The following LINGO2 variants were observed in gnomAD, a reference collection of about 807,000 sequenced individuals.
LINGO2 encodes the protein leucine-rich repeat and immunoglobulin-like domain-containing nogo receptor-interacting protein 2.
LINGO2 carries 14 observed loss-of-function variants against 30.6 expected under a neutral mutation model. The ratio of observed to expected loss-of-function variants is 0.46; its 90% CI spans 0.30 to 0.72. The LOEUF is 0.72. Among genes scored for constraint, LINGO2 ranks in the 30% least tolerant of loss-of-function variants. LINGO2 has a pLI of 0.07. For synonymous variants in LINGO2, 317 were observed against 288.5 expected (o/e 1.10, Z -1.00); for missense variants, 729 against 751.7 (o/e 0.97, Z 0.35).
the LINGO2 span, among the ~76,000 whole-genome samples, chr9:29,020,366 C>A: frequency 3.6e-4 from 55 of 152,012 alleles, no homozygotes; most frequent in Admixed American, 2.5e-3. Context: ...CACACAGACA[C>A]AAAAATCTCA....
chr9:28,992,587 A>G, the LINGO2 span, among the ~76,000 whole-genome samples: 1 of 152,182 alleles, frequency 6.6e-6, no homozygotes, highest in South Asian at 2.1e-4. Flanking sequence ...CACCACACCT[A>G]TTCCAAAACT....
At chr9:29,144,709 ACTGT>A in the LINGO2 span, among the ~76,000 whole-genome samples, 1 of 152,128 alleles carries the variant, frequency 6.6e-6, no homozygotes, top group Non-Finnish European at 1.5e-5. Context: ...AGCACAGCTG[ACTGT>A]CTGAGCTTAT....
At chr9:28,872,340 A>G in the LINGO2 span, among the ~76,000 whole-genome samples, 1 of 152,052 alleles carries the variant, frequency 6.6e-6, no homozygotes, top group Admixed American at 6.6e-5. Flanking sequence ...AAACTATTGT[A>G]GTTGTCCTCA....
intron 3 of LINGO2, among the ~76,000 whole-genome samples, chr9:28,362,785 C>T (rs1564150779): frequency 6.6e-6 from 1 of 152,122 alleles, no homozygotes; most frequent in South Asian, 2.1e-4. Context: ...AGTTATTTGA[C>T]TTTGACTTGG....
At chr9:29,142,310 G>T in the LINGO2 span, among the ~76,000 whole-genome samples, 1 of 151,784 alleles carries the variant, frequency 6.6e-6, no homozygotes, top group East Asian at 1.9e-4. Flanking sequence ...AACAACCACA[G>T]GTTATGAGGA....
the LINGO2 span, among the ~76,000 whole-genome samples, chr9:28,901,226 C>T: frequency 6.6e-6 from 1 of 151,962 alleles, no homozygotes; most frequent in Non-Finnish European, 1.5e-5. Flanking sequence ...AACTTCCAAT[C>T]AGAAACGAAG....
chr9:28,458,128 C>A (rs1351339664), intron 2 of LINGO2, among the ~76,000 whole-genome samples: 1 of 152,168 alleles, frequency 6.6e-6, no homozygotes, highest in Non-Finnish European at 1.5e-5. Flanking sequence ...AAGAGATCAA[C>A]AACAAATTGC....
chr9:28,940,894 C>T, the LINGO2 span, among the ~76,000 whole-genome samples: 1 of 151,798 alleles, frequency 6.6e-6, no homozygotes, highest in Non-Finnish European at 1.5e-5. Flanking sequence ...GAGAGTTATG[C>T]AATTAATTTT....
At chr9:28,880,737 A>G in the LINGO2 span, among the ~76,000 whole-genome samples, 1 of 152,260 alleles carries the variant, frequency 6.6e-6, no homozygotes. Context: ...TGGGAACTGA[A>G]TGTCTTGGTA....
At chr9:28,090,422 T>C (rs1409217127) in intron 4 of LINGO2, among the ~76,000 whole-genome samples, 1 of 152,142 alleles carries the variant, frequency 6.6e-6, no homozygotes, top group Non-Finnish European at 1.5e-5. Context: ...CGCAAACCAA[T>C]AAATGTAATC....
At chr9:28,892,548 A>G in the LINGO2 span, among the ~76,000 whole-genome samples, 2 of 151,988 alleles carry the variant, frequency 1.3e-5, no homozygotes, top group Admixed American at 1.3e-4. Context: ...TATATACACA[A>G]CTTAAAATCA....
At chr9:28,173,666 C>G (rs1454946653) in intron 4 of LINGO2, among the ~76,000 whole-genome samples, 1 of 152,220 alleles carries the variant, frequency 6.6e-6, no homozygotes, top group African/African-American at 2.4e-5. Flanking sequence ...TGCTCTGCCA[C>G]ACTGTCTTTG....
At chr9:28,525,783 C>T (rs773615375) in intron 1 of LINGO2, among the ~76,000 whole-genome samples, 1 of 152,098 alleles carries the variant, frequency 6.6e-6, no homozygotes, top group African/African-American at 2.4e-5. Context: ...GGGCCGGGCG[C>T]AGTGGCTCAC....
At chr9:28,635,344 C>T (rs62548200) in intron 1 of LINGO2, among the ~76,000 whole-genome samples, 13,715 of 151,998 alleles carry the variant, frequency 0.09, 878 homozygotes, top group Admixed American at 0.22. Flanking sequence ...TAAGAAGTTG[C>T]CCTGAAACAA....
intron 5 of LINGO2, among the ~76,000 whole-genome samples, chr9:28,002,708 T>A (rs1436210630): frequency 6.6e-6 from 1 of 152,144 alleles, no homozygotes; most frequent in African/African-American, 2.4e-5. Context: ...TCAGTCAACA[T>A]CATTTCATCA....
At chr9:28,959,775 T>A in the LINGO2 span, among the ~76,000 whole-genome samples, 2 of 152,086 alleles carry the variant, frequency 1.3e-5, no homozygotes, top group Non-Finnish European at 2.9e-5. Flanking sequence ...TTTCAAGGCC[T>A]GGAAGAAAGT....
chr9:28,437,563 A>T (rs1441520533), intron 2 of LINGO2, among the ~76,000 whole-genome samples: 1 of 149,050 alleles, frequency 6.7e-6, no homozygotes, highest in East Asian at 1.9e-4. Context: ...ACACACACAC[A>T]CACACACACA....
At chr9:28,475,403 A>T (rs1825689758) in intron 2 of LINGO2, among the ~76,000 whole-genome samples, 1 of 152,164 alleles carries the variant, frequency 6.6e-6, no homozygotes, top group Non-Finnish European at 1.5e-5. Flanking sequence ...AGGGAGCAGC[A>T]TATGATTTAA....
At chr9:28,058,590 A>G (rs1395714473) in intron 4 of LINGO2, among the ~76,000 whole-genome samples, 1 of 152,198 alleles carries the variant, frequency 6.6e-6, no homozygotes, top group Non-Finnish European at 1.5e-5. Flanking sequence ...TTTGAAGATA[A>G]AGCAAAATGT....
Sources: gnomAD v4.1 joint callset for allele counts (sites outside exome capture counted in the v4.1 genomes callset) on GRCh38, gnomAD v4.1.1 for gene constraint, MANE v1.5 for transcripts, NCBI Gene and HGNC (gene_info 2026-07-23, HGNC 2026-07-21) for gene names.